APC: variants seen among roughly 807,000 people sequenced by gnomAD.
APC encodes adenomatous polyposis coli protein.
Under a neutral mutation model 247.0 loss-of-function variants are expected in APC, and 72 were observed. That is an observed-to-expected ratio of 0.29 (90% CI 0.24 to 0.35). APC has a LOEUF of 0.35. Among genes scored for constraint, APC ranks in the 10% least tolerant of loss-of-function variants. APC has a pLI of 1.00. For missense variants in APC, 3,400 were observed against 3,360.7 expected (o/e 1.01, Z -0.29); for synonymous variants, 1,254 against 1,162.5 (o/e 1.08, Z -1.60).
At chr5:112,747,387 G>A (rs568772252) in intron 1 of APC, among the ~76,000 whole-genome samples, 7 of 152,266 alleles carry the variant, frequency 4.6e-5, no homozygotes, top group Admixed American at 2.6e-4. Flanking sequence ...TAAGAAATAC[G>A]TTTCCATTCA....
intron 4 of APC, among the ~76,000 whole-genome samples, chr5:112,769,635 T>A (rs147023342): frequency 1.3e-4 from 20 of 152,310 alleles, no homozygotes; most frequent in Non-Finnish European, 2.9e-4. Flanking sequence ...TATAAAAGCT[T>A]CATATTATCT....
intron 1 of APC, among the ~76,000 whole-genome samples, chr5:112,712,688 C>T (rs188979207): frequency 8.5e-4 from 130 of 152,190 alleles, no homozygotes; most frequent in Middle Eastern, 3.4e-3. Context: ...CTGCACCCAG[C>T]AGCATGTGCG....
rs879255357 is a variant in APC at position 112,842,851 on chromosome 5, GTCT to G, written c.7260_7262del (p.Ser2421del). The G allele has an allele frequency of 1.9e-6, 3 of 1,613,908 alleles. No individual in the cohort carries two copies. Among genetic ancestry groups the G allele is most frequent in the South Asian group, 1.1e-5 (1 of 91,080 alleles). ...ATAAAAAGGTAGAACTTTCTAGAAT[GTCT>G]TCAACTAAATCAAGTGGAAGTGAAT... On this transcript the variant is annotated inframe_deletion, in exon 16 of 16. Transcript: ENST00000257430.
rs779945112 is a variant in APC, at chr5:112,767,338, G to C, written c.370G>C (p.Val124Leu). 6.2e-7 allele frequency: 1 copy of C among 1,614,160 alleles called. No homozygotes were observed. The highest frequency in any genetic ancestry group is 2.2e-5 in the East Asian group (1 of 44,880). ...GGGTTCATTTCCAAGAAGAGGGTTT[G>C]TAAATGGAAGCAGAGAAAGTACTGG... is the stretch of plus-strand genomic sequence containing the variant. ...PMGSFPRRGFVNGSRESTGYL... is the reference protein window; with the variant it reads ...PMGSFPRRGFLNGSRESTGYL... Residue 124 changes from valine (V) to leucine (L), a missense_variant, in exon 4 of 16, where the codon GTA (valine) becomes CTA (leucine). Coordinates refer to ENST00000257430, the MANE Select transcript of APC (RefSeq NM_000038.6).
rs1000878850 is a variant in APC, at chr5:112,801,356, C to A, written c.807C>A (p.Ile269=). ...ATGAAGGTCAAGGAGTGGGAGAAAT[C>A]AACATGGCAACTTCTGGTAATGGTC... ...RQNEGQGVGE[I]NMATSGNGQG... Residue 269 remains isoleucine, a synonymous_variant, in exon 8 of 16, where the codon ATC becomes ATA. Transcript: ENST00000257430. The A allele has an allele frequency of 1.9e-6, 3 of 1,611,708 alleles. No homozygotes were observed. The highest frequency in any genetic ancestry group is 2.7e-5 in the African/African-American group (2 of 74,954).
At chr5:112,825,089 A>G (rs921006180) in intron 11 of APC, among the ~76,000 whole-genome samples, 3 of 152,118 alleles carry the variant, frequency 2.0e-5, no homozygotes, top group Non-Finnish European at 2.9e-5. Flanking sequence ...ATCTTTTCCC[A>G]GTTTCCTTTT....
In APC at chr5:112,840,734, G is replaced by T. The variant is rs148275069; in HGVS notation, c.5140G>T (p.Asp1714Tyr). The change falls in exon 16 of 16, where the codon GAT (aspartate) becomes TAT (tyrosine). Residue 1714 changes from aspartate (D) to tyrosine (Y), a missense_variant. Physicochemically the swap from Asp to Tyr is radical, Grantham distance 160. Around this residue, in one of 9 missense-constraint regions of APC, gnomAD observed 1,788 missense variants for 1,649.5 expected, o/e 1.08. Coordinates refer to ENST00000257430, the MANE Select transcript of APC (RefSeq NM_000038.6). The surrounding 1 kb of genome is among the most constrained non-coding windows in gnomAD (Gnocchi z 4.1). ...CTCATCTGTAACCATACCTGAATTG[G>T]ATGACAATAAAGCAGAGGAAGGTGA... is the stretch of plus-strand genomic sequence containing the variant. The part of the protein sequence containing the change: ...KTSSVTIPEL[D>Y]DNKAEEGDIL... The T allele has an allele frequency of 6.2e-7, 1 of 1,614,138 alleles. No individual in the cohort carries two copies.
At chr5:112,715,110 T>G (rs895369688) in intron 1 of APC, among the ~76,000 whole-genome samples, 12 of 152,234 alleles carry the variant, frequency 7.9e-5, no homozygotes, top group African/African-American at 2.9e-4. Context: ...CTCTTGCAGT[T>G]GTTATAATAG....
intron 14 of APC, among the ~76,000 whole-genome samples, chr5:112,833,685 A>G (rs908057069): frequency 2.0e-5 from 3 of 152,144 alleles, no homozygotes; most frequent in Non-Finnish European, 4.4e-5. Context: ...GGCCATTACA[A>G]TTTGACAGTT....
rs587782557 is a variant in APC at position 112,775,631 on chromosome 5, CAT to C, written c.426_427del (p.Leu143AlafsTer4). The C allele has an allele frequency of 6.3e-7, 1 of 1,576,770 alleles. No homozygotes were observed. The highest frequency in any genetic ancestry group is 8.7e-7 in the Non-Finnish European group (1 of 1,154,380). ...TTTTTTTAAAAAAAAAAAAATAGGT[CAT>C]TGCTTCTTGCTGATCTTGACAAAGA... On this transcript the variant is annotated frameshift_variant, in exon 5 of 16. Transcript: ENST00000257430. LOFTEE classifies it high-confidence loss of function.
intron 1 of APC, among the ~76,000 whole-genome samples, chr5:112,750,136 T>G (rs1453327126): frequency 6.6e-6 from 1 of 151,954 alleles, no homozygotes; most frequent in Non-Finnish European, 1.5e-5. Flanking sequence ...CTAATTTTTG[T>G]ATTTTTAGTA....
intron 1 of APC, among the ~76,000 whole-genome samples, chr5:112,714,516 A>G (rs62363987): frequency 6.6e-6 from 1 of 152,236 alleles, no homozygotes; most frequent in Non-Finnish European, 1.5e-5. Flanking sequence ...GAAAACATCA[A>G]GGACTTAATT....
chr5:112,802,491 A>C (rs1240143453), intron 8 of APC, among the ~76,000 whole-genome samples: 1 of 152,094 alleles, frequency 6.6e-6, no homozygotes. Flanking sequence ...ATATTTACAT[A>C]GGAATAGATC....
chr5:112,713,267 G>T (rs1206856712), intron 1 of APC, among the ~76,000 whole-genome samples: 1 of 152,050 alleles, frequency 6.6e-6, no homozygotes, highest in Non-Finnish European at 1.5e-5. Flanking sequence ...AAGGATTCAG[G>T]TGCTTTCCAT....
chr5:112,838,381 T>C lies in APC; in HGVS notation c.2787T>C (p.His929=), dbSNP rs1476420580. 1 of 1,614,200 alleles carries C rather than the reference T, an allele frequency of 6.2e-7. No homozygotes were observed. The highest frequency in any genetic ancestry group is 1.7e-5 in the Admixed American group (1 of 60,020). The change falls in exon 16 of 16, where the codon CAT becomes CAC. Residue 929 remains histidine (H), a synonymous_variant. Coordinates refer to ENST00000257430, the MANE Select transcript of APC (RefSeq NM_000038.6). ...RNALRRSSAA[H]THSNTYNFTK... Reference sequence around the variant, plus strand: ...CACTTAGAAGAAGCTCTGCTGCCCATACACATTCAAACACTTACAATTTCA... The same window carrying C: ...CACTTAGAAGAAGCTCTGCTGCCCACACACATTCAAACACTTACAATTTCA...
At position 112,780,862 on chromosome 5, in the gene APC, G is replaced by C. The variant is rs2149640325; in HGVS notation, c.604G>C (p.Glu202Gln). The C allele has an allele frequency of 6.2e-7, 1 of 1,613,050 alleles. No homozygotes were observed. The highest frequency in any genetic ancestry group is 8.5e-7 in the Non-Finnish European group (1 of 1,179,262). Residue 202 changes from glutamate (E) to glutamine (Q), a missense_variant, in exon 6 of 16, where the codon GAA becomes CAA. Physicochemically the swap from Glu to Gln is conservative, Grantham distance 29. This residue lies in a region of APC where 372 missense variants were observed against 367.6 expected (regional missense o/e 1.01). Coordinates refer to ENST00000257430, the MANE Select transcript of APC (RefSeq NM_000038.6). ...AAGGCAAATCAGAGTTGCGATGGAAGAACAACTAGGTACCTGCCAGGATAT... is the reference window on the plus strand; with the variant it reads ...AAGGCAAATCAGAGTTGCGATGGAACAACAACTAGGTACCTGCCAGGATAT... ...EARQIRVAME[E>Q]QLGTCQDMEK...
chr5:112,777,611 C>T (rs1156437960), intron 5 of APC: 1 of 173,080 alleles, frequency 5.8e-6, no homozygotes, highest in Non-Finnish European at 1.4e-5. Context: ...AAATCAAAAA[C>T]CAAGACCCAT....
At chr5:112,738,387 C>G (rs941731847) in intron 1 of APC, 1 of 985,646 alleles carries the variant, frequency 1.0e-6, no homozygotes. Context: ...AGAGAGGAGA[C>G]AAAACCGCTG....
In APC at chr5:112,839,353, T is replaced by C. The variant is rs1214264655; in HGVS notation, c.3759T>C (p.Ser1253=). The change falls in exon 16 of 16, where the codon TCT becomes TCC. Residue 1253 remains serine (S), a synonymous_variant. Coordinates refer to ENST00000257430, the MANE Select transcript of APC (RefSeq NM_000038.6). This position sits in a 1 kb window ranked among gnomAD's most constrained non-coding sequence, Gnocchi z 5.0. The part of the protein sequence containing the change: ...PQKAATCKVS[S]INQETIQTYC... ...AGGCTGCCACTTGCAAAGTTTCTTC[T>C]ATTAACCAAGAAACAATACAGACTT... The C allele has an allele frequency of 1.9e-6, 3 of 1,613,126 alleles. No homozygotes were observed. In the African/African-American group the frequency reaches 4.0e-5, roughly 22 times the overall value.
Sources: gnomAD v4.1 joint callset for allele counts (sites outside exome capture counted in the v4.1 genomes callset) on GRCh38, gnomAD v4.1.1 for gene constraint, gnomAD v4.1.1 regional missense constraint, Gnocchi (gnomAD v3.1) non-coding constraint, MANE v1.5 for transcripts, NCBI Gene and HGNC (gene_info 2026-07-23, HGNC 2026-07-21) for gene names.